Variants in NRROS observed in about 807,000 individuals in gnomAD.
NRROS encodes negative regulator of reactive oxygen species.
NRROS carries 6 observed loss-of-function variants against 12.0 expected under a neutral mutation model. That is an observed-to-expected ratio of 0.50 (90% confidence interval 0.27 to 0.98). The LOEUF is 0.98. NRROS is among the 50% of genes least tolerant of loss of function. The pLI is 0.11. For missense variants in NRROS, 857 were observed against 888.2 expected (o/e 0.96, Z 0.45); for synonymous variants, 462 against 410.2 (o/e 1.13, Z -1.53).
At chr3:196,656,803 G>T (rs1289837338) in intron 2 of NRROS, among the ~76,000 whole-genome samples, 1 of 152,142 alleles carries the variant, frequency 6.6e-6, no homozygotes, top group East Asian at 1.9e-4. Flanking sequence ...CTGCCAGGAA[G>T]CCCAAAGAGT....
chr3:196,649,834 C>T (rs1369591504), intron 1 of NRROS, among the ~76,000 whole-genome samples: 4 of 152,156 alleles, frequency 2.6e-5, no homozygotes, highest in Admixed American at 6.5e-5. Flanking sequence ...GACCTCTTTC[C>T]GTAAAGCTTT....
chr3:196,659,377 C>G (rs780230919), intron 2 of NRROS, among the ~76,000 whole-genome samples: 1 of 146,324 alleles, frequency 6.8e-6, no homozygotes, highest in East Asian at 2.1e-4. Flanking sequence ...GGTGCAGTCT[C>G]GGCTCACTGC....
chr3:196,652,129 C>G (rs904345599), intron 1 of NRROS, among the ~76,000 whole-genome samples: 1 of 152,186 alleles, frequency 6.6e-6, no homozygotes, highest in African/African-American at 2.4e-5. Flanking sequence ...GCTAGCCTTG[C>G]TCTGCAATTT....
intron 1 of NRROS, among the ~76,000 whole-genome samples, chr3:196,652,408 T>C (rs946805666): frequency 4.6e-5 from 7 of 152,220 alleles, no homozygotes; most frequent in African/African-American, 1.4e-4. Context: ...CTCATGCAAC[T>C]CTGGAATAGT....
rs756100175 is a variant in NRROS at position 196,660,698 on chromosome 3, C to G, written c.1055C>G (p.Pro352Arg). ...CCAGACGGCTTCCTGAGGAAAATGC[C>G]TTCCCTCTCCCACCTGAACCTCCAC... is the stretch of plus-strand genomic sequence containing the variant. Reference protein sequence around the residue: ...YLPDGFLRKMPSLSHLNLHQN... With the variant: ...YLPDGFLRKMRSLSHLNLHQN... Residue 352 changes from proline to arginine, a missense_variant, in exon 3 of 3, where the codon CCT becomes CGT. Pro to Arg is a moderately radical substitution (Grantham distance 103). Coordinates refer to ENST00000328557, the MANE Select transcript of NRROS (RefSeq NM_198565.3). This position sits in a 1 kb window ranked among gnomAD's most constrained non-coding sequence, Gnocchi z 7.7. The G allele has an allele frequency of 6.2e-7, 1 of 1,614,168 alleles. No homozygotes were observed. Among genetic ancestry groups the G allele is most frequent in the Non-Finnish European group, 8.5e-7 (1 of 1,180,010 alleles).
At chr3:196,642,111 A>G (rs1299818393) in intron 1 of NRROS, among the ~76,000 whole-genome samples, 2 of 152,102 alleles carry the variant, frequency 1.3e-5, no homozygotes, top group African/African-American at 4.8e-5. Flanking sequence ...GCTCAGGGCT[A>G]GGTTAGGTGA....
chr3:196,656,184 T>A (rs115709440), intron 2 of NRROS, among the ~76,000 whole-genome samples: 241 of 151,796 alleles, frequency 1.6e-3, no homozygotes, highest in Non-Finnish European at 2.9e-3. Flanking sequence ...AAAAAAAAAA[T>A]GAAACACATA....
chr3:196,649,534 T>G (rs188858103), intron 1 of NRROS, among the ~76,000 whole-genome samples: 1 of 151,960 alleles, frequency 6.6e-6, no homozygotes, highest in Non-Finnish European at 1.5e-5. Context: ...TGCAGTGGCG[T>G]GATCTCGGCT....
chr3:196,661,495 A>G lies in NRROS; in HGVS notation c.1852A>G (p.Met618Val), dbSNP rs771636257. ...TGGGCAGACGGTGGCCGACTGGGCC[A>G]TGGTCACCTGCAACCTCTCCTCCAA... ...QHGQTVADWA[M>V]VTCNLSSKII... Residue 618 changes from methionine to valine, a missense_variant, in exon 3 of 3, where the codon ATG (methionine) becomes GTG (valine). Physicochemically the swap from Met to Val is conservative, Grantham distance 21 (BLOSUM62 1). Transcript: ENST00000328557. The G allele has an allele frequency of 1.1e-5, 17 of 1,609,794 alleles. No homozygotes were observed. The highest frequency in any genetic ancestry group is 6.7e-5 in the Admixed American group (4 of 59,890).
intron 1 of NRROS, among the ~76,000 whole-genome samples, chr3:196,649,147 G>A (rs1737363715): frequency 6.6e-6 from 1 of 152,204 alleles, no homozygotes; most frequent in African/African-American, 2.4e-5. Context: ...CTAAGAATCA[G>A]AGGGACCAGA....
chr3:196,646,726 C>G (rs888696799), intron 1 of NRROS, among the ~76,000 whole-genome samples: 1 of 152,204 alleles, frequency 6.6e-6, no homozygotes, highest in East Asian at 1.9e-4. Context: ...GAATCCCCCC[C>G]CGATGGAGGC....
chr3:196,651,729 G>C (rs1191356021), intron 1 of NRROS, among the ~76,000 whole-genome samples: 2 of 152,140 alleles, frequency 1.3e-5, no homozygotes, highest in Non-Finnish European at 2.9e-5. Context: ...TCACAACATT[G>C]TACTCCAACC....
At chr3:196,653,602 C>A (rs573492837) in intron 1 of NRROS, among the ~76,000 whole-genome samples, 3 of 152,246 alleles carry the variant, frequency 2.0e-5, no homozygotes, top group African/African-American at 7.2e-5. Context: ...CCCAGCAGGG[C>A]AGCAGTGAGT....
At chr3:196,651,636 G>A (rs143270955) in intron 1 of NRROS, among the ~76,000 whole-genome samples, 4,947 of 152,188 alleles carry the variant, frequency 0.033, 265 homozygotes, top group African/African-American at 0.11. Flanking sequence ...GCGTGGTGGC[G>A]TGCACCTGTA....
At position 196,661,977 on chromosome 3, in the gene NRROS, G is replaced by A. The variant is rs1314305128; in HGVS notation, c.*255G>A. 1.1e-5 allele frequency: 4 copies of A among 356,394 alleles called. No homozygotes were observed. The highest frequency in any genetic ancestry group is 4.4e-5 in the African/African-American group (2 of 45,440). The allele number at this position is 356,394 out of a possible 1,614,324, so 22.1% of individuals were successfully genotyped here. A position where few individuals can be genotyped will look rare whatever the true frequency, so the allele number is the denominator to read the frequency against. On this transcript the variant is annotated 3_prime_UTR_variant, in exon 3 of 3. Coordinates refer to ENST00000328557, the MANE Select transcript of NRROS (RefSeq NM_198565.3). ...GACTTTTTCAGAAATAAAAGGCAAC[G>A]TGTCTCATAAATATTTTTTAAATTA...
chr3:196,650,631 GTTC>G (rs1560341442), intron 1 of NRROS, among the ~76,000 whole-genome samples: 4 of 152,214 alleles, frequency 2.6e-5, no homozygotes, highest in African/African-American at 9.6e-5. Flanking sequence ...GCGGCTGTAC[GTTC>G]TTCTTCCTCA....
intron 2 of NRROS, 87 bp from the exon 3 acceptor site, chr3:196,659,665 G>A: frequency 7.3e-7 from 1 of 1,368,924 alleles, no homozygotes; most frequent in Non-Finnish European, 9.9e-7. Flanking sequence ...CGGTTGCAGG[G>A]ACAGTCTGAT....
chr3:196,642,344 A>C (rs1737225324), intron 1 of NRROS, among the ~76,000 whole-genome samples: 1 of 152,084 alleles, frequency 6.6e-6, no homozygotes, highest in African/African-American at 2.4e-5. Flanking sequence ...TATGGGCAAT[A>C]GTTTCAGGCA....
In NRROS at chr3:196,660,992, T is replaced by A; in HGVS notation, c.1349T>A (p.Val450Glu). Residue 450 changes from valine to glutamate, a missense_variant, in exon 3 of 3, where the codon GTG becomes GAG. Transcript: ENST00000328557. The surrounding 1 kb of genome is among the most constrained non-coding windows in gnomAD (Gnocchi z 7.7). Reference sequence around the variant, plus strand: ...CCCCTGCCAGCTGCCTCGGACCGGGTGGGCCCCCCTAGCTGTGTGGATTTC... The same window carrying A: ...CCCCTGCCAGCTGCCTCGGACCGGGAGGGCCCCCCTAGCTGTGTGGATTTC... ...LCPLPAASDR[V>E]GPPSCVDFRN... 4 of 1,614,104 alleles carry A rather than the reference T, an allele frequency of 2.5e-6. No homozygotes were observed. The highest frequency in any genetic ancestry group is 1.1e-5 in the South Asian group (1 of 91,084).
Sources: gnomAD v4.1 joint callset for allele counts (sites outside exome capture counted in the v4.1 genomes callset) on GRCh38, gnomAD v4.1.1 for gene constraint, Gnocchi (gnomAD v3.1) non-coding constraint, MANE v1.5 for transcripts, NCBI Gene and HGNC (gene_info 2026-07-23, HGNC 2026-07-21) for gene names.